The following PRELID2 variants were observed in gnomAD, a reference collection of about 807,000 sequenced individuals.
The protein encoded by PRELID2 is PRELI domain-containing protein 2.
A neutral mutation model predicts 28.4 loss-of-function variants in PRELID2; 25 were observed. The observed-to-expected ratio is 0.88, with a 90% CI of 0.64 to 1.23. PRELID2 has a LOEUF of 1.23. PRELID2 is among the 50% of genes most tolerant of loss of function. PRELID2 has a pLI of 0.00. For missense variants in PRELID2, 201 were observed against 214.4 expected, an observed-to-expected ratio of 0.94 and a Z score of 0.39; for synonymous variants, 76 against 71.6, an observed-to-expected ratio of 1.06 and a Z score of -0.31.
intron 1 of PRELID2, among the ~76,000 whole-genome samples, chr5:145,581,347 TCTC>T (rs1753105796): frequency 6.6e-6 from 1 of 152,110 alleles, no homozygotes. Flanking sequence ...TTTTATGTCT[TCTC>T]CTCTGCTTTC....
chr5:145,411,850 C>T, the PRELID2 span, among the ~76,000 whole-genome samples: 1 of 152,188 alleles, frequency 6.6e-6, no homozygotes, highest in Admixed American at 6.5e-5. Flanking sequence ...GTTCCCAAAC[C>T]TCAGTTCTTG....
chr5:145,768,575 A>G (rs73304069), intron 5 of PRELID2, among the ~76,000 whole-genome samples: 2,864 of 152,252 alleles, frequency 0.019, 85 homozygotes, highest in African/African-American at 0.064. Context: ...AAACTATCAC[A>G]TTAATTCTCT....
At chr5:145,682,919 G>T (rs1369181817) in intron 1 of PRELID2, among the ~76,000 whole-genome samples, 1 of 152,084 alleles carries the variant, frequency 6.6e-6, no homozygotes, top group African/African-American at 2.4e-5. Context: ...ATGATTATAA[G>T]CACAGTGTTA....
intron 4 of PRELID2, among the ~76,000 whole-genome samples, chr5:145,813,059 A>G (rs778955427): frequency 3.1e-4 from 47 of 152,232 alleles, no homozygotes; most frequent in Non-Finnish European, 5.3e-4. Flanking sequence ...TTCTGAGCCC[A>G]TCTCTGAATT....
At chr5:145,577,946 T>C (rs565309908) in intron 1 of PRELID2, among the ~76,000 whole-genome samples, 2 of 152,258 alleles carry the variant, frequency 1.3e-5, no homozygotes, top group South Asian at 2.1e-4. Context: ...CTATAGGACA[T>C]TGAAACAAAT....
the PRELID2 span, among the ~76,000 whole-genome samples, chr5:145,303,532 TG>T: frequency 7.9e-5 from 12 of 152,232 alleles, no homozygotes; most frequent in African/African-American, 2.9e-4. Flanking sequence ...ACAGGTTTGC[TG>T]TGTCTTACTC....
At chr5:145,419,864 G>A in the PRELID2 span, among the ~76,000 whole-genome samples, 1 of 152,070 alleles carries the variant, frequency 6.6e-6, no homozygotes, top group East Asian at 1.9e-4. Context: ...ATGGTTTTAG[G>A]TCTAACATTT....
downstream of PRELID2, among the ~76,000 whole-genome samples, chr5:145,751,679 G>C (rs1252040783): frequency 6.6e-6 from 1 of 152,138 alleles, no homozygotes; most frequent in African/African-American, 2.4e-5. Context: ...AAAAATTAAT[G>C]CTCCAAAAGA....
chr5:145,480,861 A>C (rs1690852551), intron 1 of PRELID2, among the ~76,000 whole-genome samples: 2 of 152,214 alleles, frequency 1.3e-5, no homozygotes, highest in Admixed American at 1.3e-4. Context: ...GTAAGTATTC[A>C]TTAAATGTCA....
intron 5 of PRELID2, among the ~76,000 whole-genome samples, chr5:145,785,432 A>G (rs1351160600): frequency 6.6e-6 from 1 of 152,242 alleles, no homozygotes; most frequent in Non-Finnish European, 1.5e-5. Context: ...TAAGATGTCT[A>G]TAATTTGCTT....
intron 1 of PRELID2, among the ~76,000 whole-genome samples, chr5:145,635,081 T>C (rs1753982293): frequency 6.6e-6 from 1 of 152,308 alleles, no homozygotes; most frequent in African/African-American, 2.4e-5. Flanking sequence ...CACTTCCTCT[T>C]TAAAGACTTA....
chr5:145,305,170 G>A, the PRELID2 span, among the ~76,000 whole-genome samples: 1 of 152,170 alleles, frequency 6.6e-6, no homozygotes, highest in Non-Finnish European at 1.5e-5. Context: ...ATAGGAGAGG[G>A]TAGGAGCAAA....
chr5:145,549,136 C>T (rs1184016920), intron 1 of PRELID2, among the ~76,000 whole-genome samples: 1 of 152,160 alleles, frequency 6.6e-6, no homozygotes, highest in East Asian at 1.9e-4. Flanking sequence ...AGTGTGCTCT[C>T]AGAGCTCTCT....
chr5:145,791,569 G>A (rs1425921451), intron 5 of PRELID2, among the ~76,000 whole-genome samples: 2 of 152,124 alleles, frequency 1.3e-5, no homozygotes, highest in Non-Finnish European at 2.9e-5. Context: ...CAGGGGCTAG[G>A]AGGTGAATGG....
the PRELID2 span, among the ~76,000 whole-genome samples, chr5:145,457,379 T>G: frequency 6.6e-6 from 1 of 152,164 alleles, no homozygotes; most frequent in African/African-American, 2.4e-5. Context: ...TAAATGCTAT[T>G]CAACTTCCCT....
chr5:145,414,214 G>A, the PRELID2 span, among the ~76,000 whole-genome samples: 1 of 152,132 alleles, frequency 6.6e-6, no homozygotes, highest in Non-Finnish European at 1.5e-5. Flanking sequence ...GTTTGTTAAA[G>A]AAAGAAAGAG....
At chr5:145,245,327 T>C in the PRELID2 span, among the ~76,000 whole-genome samples, 1 of 152,034 alleles carries the variant, frequency 6.6e-6, no homozygotes, top group African/African-American at 2.4e-5. Flanking sequence ...AATGAAGATA[T>C]CCTTCTATTC....
intron 1 of PRELID2, among the ~76,000 whole-genome samples, chr5:145,503,079 C>T (rs1752373837): frequency 1.3e-5 from 2 of 152,082 alleles, no homozygotes; most frequent in African/African-American, 4.8e-5. Flanking sequence ...AGAGTATTCA[C>T]AGGGGGTGGA....
At chr5:145,536,665 T>C (rs1752701771) in intron 1 of PRELID2, among the ~76,000 whole-genome samples, 1 of 151,850 alleles carries the variant, frequency 6.6e-6, no homozygotes, top group African/African-American at 2.4e-5. Context: ...GATACTTCCA[T>C]GTAGTTCAAG....
Sources: allele counts gnomAD v4.1 joint callset (sites outside exome capture counted in the v4.1 genomes callset), GRCh38; gene constraint gnomAD v4.1.1; transcripts MANE v1.5; gene names NCBI Gene and HGNC (gene_info 2026-07-23, HGNC 2026-07-21).